The following SLC36A1 variants were observed in gnomAD, a reference collection of about 807,000 sequenced individuals.
SLC36A1 encodes solute carrier family 36 member 1, also known as proton-coupled amino acid transporter 1.
A neutral mutation model predicts 47.5 loss-of-function variants in SLC36A1; 30 were observed. The observed-to-expected ratio is 0.63, with a 90% confidence interval of 0.47 to 0.86. The LOEUF is 0.86. Among genes scored for constraint, SLC36A1 ranks in the 40% least tolerant of loss-of-function variants. The probability of loss-of-function intolerance (pLI) is 0.00; values close to 1 mark genes in which losing one functional copy is unlikely to be tolerated. For missense variants in SLC36A1, 517 were observed against 606.0 expected, an observed-to-expected ratio of 0.85 and a Z score of 1.54; for synonymous variants, 255 against 249.7, an observed-to-expected ratio of 1.02 and a Z score of -0.20.
At chr5:151,479,592 A>G (rs190934606) in intron 10 of SLC36A1, 103 bp downstream of exon 10, 3 of 1,380,352 alleles carry the variant, frequency 2.2e-6, no homozygotes, top group East Asian at 2.3e-5. Context: ...GAAGCTGGCT[A>G]TGTTTGTGAC....
the SLC36A1 span, among the ~76,000 whole-genome samples, chr5:151,430,384 C>T: frequency 2.1e-5 from 3 of 143,280 alleles, no homozygotes; most frequent in African/African-American, 5.3e-5. Flanking sequence ...GCTGCAGTAG[C>T]GTGACCTCGG....
At chr5:151,439,786 C>T (rs942026898) in intron 1 of SLC36A1, among the ~76,000 whole-genome samples, 1 of 152,196 alleles carries the variant, frequency 6.6e-6, no homozygotes, top group African/African-American at 2.4e-5. Context: ...TTTCTTGCTT[C>T]AGTGGCTGTT....
At chr5:151,426,841 C>T in the SLC36A1 span, among the ~76,000 whole-genome samples, 25 of 152,220 alleles carry the variant, frequency 1.6e-4, no homozygotes, top group Non-Finnish European at 2.9e-4. Flanking sequence ...TCCCTGCGGC[C>T]TTCCGCAGCG....
upstream of SLC36A1, among the ~76,000 whole-genome samples, chr5:151,443,641 C>G (rs949602010): frequency 1.3e-5 from 2 of 152,138 alleles, no homozygotes; most frequent in Non-Finnish European, 2.9e-5. Context: ...TGATTACTTC[C>G]TTTGCTGTGC....
chr5:151,467,313 A>G (rs1170615349), intron 6 of SLC36A1, 30 bp downstream of exon 6: 1 of 1,403,732 alleles, frequency 7.1e-7, no homozygotes, highest in Non-Finnish European at 9.8e-7. Flanking sequence ...AGAAAAAAAA[A>G]AAAAAAACCA....
At chr5:151,521,161 C>A in the SLC36A1 span, 13 of 1,102,954 alleles carry the variant, frequency 1.2e-5, no homozygotes, top group Non-Finnish European at 1.4e-5. Context: ...GGCCTTTGGG[C>A]TTATTAAAAC....
chr5:151,474,736 A>G (rs1192060513), intron 8 of SLC36A1, among the ~76,000 whole-genome samples: 1 of 152,206 alleles, frequency 6.6e-6, no homozygotes, highest in African/African-American at 2.4e-5. Context: ...CTAAAAAGGA[A>G]TCTACCCCTC....
At chr5:151,474,178 A>AAAAAAGAGAG (rs776318482) in intron 8 of SLC36A1, among the ~76,000 whole-genome samples, 6 of 118,998 alleles carry the variant, frequency 5.0e-5, no homozygotes, top group Admixed American at 7.9e-5. Context: ...AAAAAAAAAA[A>AAAAAAGAGAG]AGAAATTATC....
chr5:151,481,335 CCT>C (rs148328586), intron 10 of SLC36A1, among the ~76,000 whole-genome samples: 7,058 of 152,284 alleles, frequency 0.046, 164 homozygotes, highest in Non-Finnish European at 0.053. Context: ...AGAGCACTCG[CCT>C]CTCTCACCTT....
the SLC36A1 span, among the ~76,000 whole-genome samples, chr5:151,392,696 A>C: frequency 3.0e-4 from 45 of 152,304 alleles, no homozygotes; most frequent in Middle Eastern, 3.4e-3. Flanking sequence ...TTCAGTTTCC[A>C]TGTAGTTGAG....
chr5:151,347,141 GC>G, the SLC36A1 span, among the ~76,000 whole-genome samples: 1 of 152,144 alleles, frequency 6.6e-6, no homozygotes, highest in Non-Finnish European at 1.5e-5. Context: ...CTTTACTTCT[GC>G]CTCAGCTTGA....
the SLC36A1 span, among the ~76,000 whole-genome samples, chr5:151,532,626 A>G: frequency 2.0e-5 from 3 of 152,230 alleles, no homozygotes; most frequent in African/African-American, 7.2e-5. Context: ...TTACGTCAAC[A>G]TAAAAAGTTA....
the SLC36A1 span, chr5:151,380,662 G>A: frequency 1.8e-6 from 1 of 552,616 alleles, no homozygotes; most frequent in Non-Finnish European, 3.7e-6. Flanking sequence ...CCCAGCCCTA[G>A]TCAAAGATCA....
At chr5:151,419,625 G>C in the SLC36A1 span, among the ~76,000 whole-genome samples, 1 of 152,198 alleles carries the variant, frequency 6.6e-6, no homozygotes, top group South Asian at 2.1e-4. Flanking sequence ...TTAAAATACA[G>C]ATTTCTGGGT....
At chr5:151,350,581 T>C in the SLC36A1 span, among the ~76,000 whole-genome samples, 3 of 152,150 alleles carry the variant, frequency 2.0e-5, no homozygotes, top group African/African-American at 7.2e-5. Flanking sequence ...GGGACTGATA[T>C]AGATGGGCAA....
the SLC36A1 span, chr5:151,534,425 G>A: frequency 6.2e-7 from 1 of 1,608,042 alleles, no homozygotes; most frequent in South Asian, 1.1e-5. Flanking sequence ...CGGGATCCCG[G>A]GCAAATACTA....
chr5:151,461,703 A>G (rs1349060157), intron 2 of SLC36A1, among the ~76,000 whole-genome samples: 1 of 152,236 alleles, frequency 6.6e-6, no homozygotes, highest in Admixed American at 6.5e-5. Context: ...AGTGGCACCA[A>G]ATTATACTAG....
chr5:151,421,457 G>T, the SLC36A1 span, among the ~76,000 whole-genome samples: 3 of 147,358 alleles, frequency 2.0e-5, no homozygotes, highest in Non-Finnish European at 3.0e-5. Context: ...TGCCCAGGTT[G>T]GACTCCACTC....
At chr5:151,398,802 T>C in the SLC36A1 span, among the ~76,000 whole-genome samples, 77 of 152,334 alleles carry the variant, frequency 5.1e-4, no homozygotes, top group African/African-American at 1.6e-3. Context: ...TAACACATGC[T>C]CTTGGACAAT....
Sources: allele counts gnomAD v4.1 joint callset (sites outside exome capture counted in the v4.1 genomes callset), GRCh38; gene constraint gnomAD v4.1.1; transcripts MANE v1.5; gene names NCBI Gene and HGNC (gene_info 2026-07-23, HGNC 2026-07-21).